LRWD1: variants seen among roughly 807,000 people sequenced by gnomAD.
The protein encoded by LRWD1 is leucine rich repeats and WD repeat domain containing 1, also known as leucine-rich repeat and WD repeat-containing protein 1.
Under a neutral mutation model 75.6 loss-of-function variants are expected in LRWD1, and 76 were observed. The observed-to-expected ratio is 1.01, with a 90% CI of 0.84 to 1.22. The LOEUF (loss-of-function observed/expected upper bound fraction) is 1.22, where lower values mean the gene tolerates loss of function less well. Among genes scored for constraint, LRWD1 ranks in the 50% most tolerant of loss-of-function variants. LRWD1 has a pLI of 0.00. For synonymous variants in LRWD1, 487 were observed against 377.0 expected (o/e 1.29, Z -3.38); for missense variants, 917 against 862.0 (o/e 1.06, Z -0.80).
In LRWD1 at chr7:102,472,675, C is replaced by T. The variant is rs1798243146; in HGVS notation, c.1691-17C>T. ...GGGAGCTCTGCCCCCACTCAGACTC[C>T]ACCTCTGTCCCGGCAGATAAGGGGA... On this transcript the variant is annotated splice_polypyrimidine_tract_variant and intron_variant, in intron 13 of 14. Transcript: ENST00000292616. The T allele has an allele frequency of 3.1e-6, 5 of 1,613,272 alleles. No homozygotes were observed. The highest frequency in any genetic ancestry group is 2.2e-5 in the East Asian group (1 of 44,872).
chr7:102,466,848 G>A (rs1349396319), intron 3 of LRWD1, among the ~76,000 whole-genome samples: 1 of 130,210 alleles, frequency 7.7e-6, no homozygotes, highest in Non-Finnish European at 1.5e-5. Context: ...TGGTGTGATC[G>A]TATCTCACTG....
rs777924052 is a variant in LRWD1 at position 102,472,995 on chromosome 7, C to T, written c.1890C>T (p.Thr630=). 1.9e-6 allele frequency: 3 copies of T among 1,614,148 alleles called. No individual in the cohort carries two copies. The highest frequency in any genetic ancestry group is 4.5e-5 in the East Asian group (2 of 44,882). ...CAGTGGTGGCCAATGCCTCCTTCAC[C>T]TACCTCACCGCCCTGACGGACTCCA... The part of the protein sequence containing the change: ...VNTVVANASF[T]YLTALTDSNI... Residue 630 remains threonine (T), a synonymous_variant, in exon 15 of 15, where the codon ACC becomes ACT. Transcript: ENST00000292616.
chr7:102,469,820 G>A lies in LRWD1; in HGVS notation c.1380G>A (p.Leu460=), dbSNP rs1798131823. ...CCTCCTGCCCGGACGCCCGCCTGCTGGCCGGCTGCGAGGGCGGCTGCTGCT... is the reference window on the plus strand; with the variant it reads ...CCTCCTGCCCGGACGCCCGCCTGCTAGCCGGCTGCGAGGGCGGCTGCTGCT... ...PVASCPDARL[L]AGCEGGCCCW... Residue 460 remains leucine (L), a synonymous_variant, in exon 11 of 15, where the codon CTG becomes CTA. Coordinates refer to ENST00000292616, the MANE Select transcript of LRWD1 (RefSeq NM_152892.3). 1.2e-6 allele frequency: 2 copies of A among 1,606,894 alleles called. No homozygotes were observed. Among genetic ancestry groups the A allele is most frequent in the Non-Finnish European group, 1.7e-6 (2 of 1,177,056 alleles).
Position 102,472,988 on chromosome 7 carries a change from C to T in LRWD1, c.1883C>T (p.Ser628Phe). The change falls in exon 15 of 15, where the codon TCC becomes TTC. Residue 628 changes from serine (S) to phenylalanine (F), a missense_variant. Physicochemically the swap from Ser to Phe is radical, Grantham distance 155. Transcript: ENST00000292616. The stretch of plus-strand genomic sequence containing the variant: ...GTGAACACAGTGGTGGCCAATGCCT[C>T]CTTCACCTACCTCACCGCCCTGACG... ...TMVNTVVANA[S>F]FTYLTALTDS... 6.2e-7 allele frequency: 1 copy of T among 1,614,142 alleles called. No homozygotes were observed. The highest frequency in any genetic ancestry group is 8.5e-7 in the Non-Finnish European group (1 of 1,180,024).
Position 102,472,745 on chromosome 7 carries a change from G to T in LRWD1, c.1744G>T (p.Val582Phe), listed in dbSNP as rs767161528. The change falls in exon 14 of 15, where the codon GTC (valine) becomes TTC (phenylalanine). Residue 582 changes from valine to phenylalanine, a missense_variant. Coordinates refer to ENST00000292616, the MANE Select transcript of LRWD1 (RefSeq NM_152892.3). ...GGAGGGCAACGTGTGGCTCTACGAC[G>T]TCAGCAACATCCTGAAGCAGCCACC... ...DEEGNVWLYD[V>F]SNILKQPPLL... 5.6e-6 allele frequency: 9 copies of T among 1,613,376 alleles called. No homozygotes were observed. The East Asian group carries it at 1.6e-4, about 28-fold the overall frequency.
At chr7:102,465,642 C>A (rs1247159328) in intron 1 of LRWD1, 175 bp from the exon 2 acceptor site, 6 of 608,432 alleles carry the variant, frequency 9.9e-6, no homozygotes, top group Non-Finnish European at 1.8e-5. Flanking sequence ...GCTATGATCG[C>A]GCCTAGGCGA....
Position 102,473,108 on chromosome 7 carries a change from G to T in LRWD1, c.*59G>T. 29 of 1,417,344 alleles carry T rather than the reference G, an allele frequency of 2.0e-5. No individual in the cohort carries two copies. Among genetic ancestry groups the T allele is most frequent in the African/African-American group, 4.8e-5 (3 of 62,910 alleles). The allele number at this position is 1,417,344 out of a possible 1,614,324, so 87.8% of individuals were successfully genotyped here. A position where few individuals can be genotyped will look rare whatever the true frequency, so the allele number is the denominator to read the frequency against. On this transcript the variant is annotated 3_prime_UTR_variant, in exon 15 of 15. Coordinates refer to ENST00000292616, the MANE Select transcript of LRWD1 (RefSeq NM_152892.3). ...TAACTAACTTATTCAGCTTTGGGCCGATGGGGGTGGGGGGGGGTCTTTCAG... is the reference window on the plus strand; with the variant it reads ...TAACTAACTTATTCAGCTTTGGGCCTATGGGGGTGGGGGGGGGTCTTTCAG...
intron 1 of LRWD1, chr7:102,465,390 A>G (rs1373777858): frequency 2.4e-6 from 1 of 410,148 alleles, no homozygotes; most frequent in Non-Finnish European, 4.3e-6. Context: ...GCCTGCCGCT[A>G]TCGTTAGAGG....
intron 3 of LRWD1, 70 bp from the exon 4 acceptor site, chr7:102,467,269 C>A: frequency 8.2e-5 from 118 of 1,444,416 alleles, no homozygotes; most frequent in East Asian, 3.4e-4. Flanking sequence ...ATTGAGATTC[C>A]CTGAGATGGA....
Position 102,468,110 on chromosome 7 carries a change from T to C in LRWD1, c.727T>C (p.Ser243Pro), listed in dbSNP as rs1327486373. ...GCCAGACGACGTCCCACTCAGCCTC[T>C]CTCCCAGCAAGCGGGCGTGTGCCTC... ...KRPDDVPLSLSPSKRACASPS... is the reference protein window; with the variant it reads ...KRPDDVPLSLPPSKRACASPS... The change falls in exon 6 of 15, where the codon TCT (serine) becomes CCT (proline). Residue 243 changes from serine to proline, a missense_variant. Transcript: ENST00000292616. The C allele has an allele frequency of 6.2e-7, 1 of 1,610,458 alleles. No individual in the cohort carries two copies. Among genetic ancestry groups the C allele is most frequent in the Non-Finnish European group, 8.5e-7 (1 of 1,179,440 alleles).
chr7:102,470,008 G>A (rs1257115292), intron 11 of LRWD1, 126 bp downstream of exon 11: 25 of 1,181,510 alleles, frequency 2.1e-5, no homozygotes, highest in South Asian at 1.2e-4. Flanking sequence ...AGGCCTCTTC[G>A]CAGAGCTGGC....
Position 102,467,785 on chromosome 7 carries a change from G to A in LRWD1, c.640G>A (p.Glu214Lys). 6.4e-7 allele frequency: 1 copy of A among 1,551,508 alleles called. No individual in the cohort carries two copies. Among genetic ancestry groups the A allele is most frequent in the Non-Finnish European group, 8.7e-7 (1 of 1,147,302 alleles). The change falls in exon 5 of 15, where the codon GAG (glutamate) becomes AAG (lysine). Residue 214 changes from glutamate to lysine, a missense_variant. By Grantham distance (56) the Glu-to-Lys change is moderately conservative. Coordinates refer to ENST00000292616, the MANE Select transcript of LRWD1 (RefSeq NM_152892.3). ...CCAGGTGCAAAAGGCTAACAGCCCA[G>A]AGAAGCCCCCAGAAGCTGGAGCTGC... The part of the protein sequence containing the change: ...RTQVQKANSP[E>K]KPPEAGAAHK...
At chr7:102,466,410 C>CTTTATTTA in intron 3 of LRWD1, 140 bp downstream of exon 3, 1 of 570,058 alleles carries the variant, frequency 1.8e-6, no homozygotes, top group South Asian at 2.2e-5. Context: ...TGATGTGCTA[C>CTTTATTTA]TTTATTTATT....
chr7:102,468,268 T>A lies in LRWD1; in HGVS notation c.810T>A (p.Ala270=). Residue 270 remains alanine, a synonymous_variant, in exon 7 of 15, where the codon GCT becomes GCA. Coordinates refer to ENST00000292616, the MANE Select transcript of LRWD1 (RefSeq NM_152892.3). ...PVAGSDGSQP[A]VKLEPLHFLQ... is the part of the protein sequence containing the mutation. ...ACCCTTCTCTCCCCCCACAGCCTGC[T>A]GTGAAGCTGGAGCCCCTGCACTTCC... 6.2e-7 allele frequency: 1 copy of A among 1,607,940 alleles called. No homozygotes were observed.
Position 102,468,103 on chromosome 7 carries a change from C to A in LRWD1, c.720C>A (p.Leu240=), listed in dbSNP as rs1176704122. The change falls in exon 6 of 15, where the codon CTC becomes CTA. Residue 240 remains leucine, a synonymous_variant. Transcript: ENST00000292616. ...AALKRPDDVP[L]SLSPSKRACA... ...TGAAACGGCCAGACGACGTCCCACTCAGCCTCTCTCCCAGCAAGCGGGCGT... is the reference window on the plus strand; with the variant it reads ...TGAAACGGCCAGACGACGTCCCACTAAGCCTCTCTCCCAGCAAGCGGGCGT... 1.2e-6 allele frequency: 2 copies of A among 1,610,300 alleles called. No individual in the cohort carries two copies. The highest frequency in any genetic ancestry group is 2.7e-5 in the African/African-American group (2 of 75,044).
At chr7:102,472,407 G>A (rs976336786) in intron 12 of LRWD1, 47 bp from the exon 13 acceptor site, 11 of 1,547,954 alleles carry the variant, frequency 7.1e-6, no homozygotes, top group Non-Finnish European at 8.7e-6. Context: ...GTGGGAGAAG[G>A]TGTCTGGGAG....
chr7:102,469,430 G>C, intron 9 of LRWD1, 144 bp from the exon 10 acceptor site: 1 of 879,440 alleles, frequency 1.1e-6, no homozygotes, highest in Non-Finnish European at 1.8e-6. Flanking sequence ...GGGCCCAGGA[G>C]TGTTCCTGTC....
chr7:102,466,681 G>A (rs565534846), intron 3 of LRWD1, among the ~76,000 whole-genome samples: 1 of 150,308 alleles, frequency 6.7e-6, no homozygotes, highest in East Asian at 2.0e-4. Context: ...GCCTCCCAAA[G>A]TGTCGGGATT....
intron 7 of LRWD1, 47 bp downstream of exon 7, chr7:102,468,424 C>T (rs749288700): frequency 3.9e-6 from 6 of 1,552,012 alleles, no homozygotes; most frequent in East Asian, 2.4e-5. Context: ...GAAATAGGGC[C>T]GCCTGGATGG....
Sources: gnomAD v4.1 joint callset for allele counts (sites outside exome capture counted in the v4.1 genomes callset) on GRCh38, gnomAD v4.1.1 for gene constraint, MANE v1.5 for transcripts, NCBI Gene and HGNC (gene_info 2026-07-23, HGNC 2026-07-21) for gene names.